Variants in FRMD4A observed in about 807,000 individuals in gnomAD.
FRMD4A encodes FERM domain-containing protein 4A.
In FRMD4A, 29 loss-of-function variants were observed where a neutral mutation model predicts 129.1. That is an observed-to-expected ratio of 0.22 (90% confidence interval 0.17 to 0.31). The LOEUF is 0.31. Ranked by LOEUF, FRMD4A falls within the 10% of genes least tolerant of loss-of-function variation. The pLI, the probability that FRMD4A is intolerant of heterozygous loss-of-function variation, is 1.00. For synonymous variants in FRMD4A, 634 were observed against 571.6 expected (o/e 1.11, Z -1.56); for missense variants, 1,272 against 1,375.8 (o/e 0.92, Z 1.19).
chr10:14,324,041 T>C (rs1248349463), intron 2 of FRMD4A, among the ~76,000 whole-genome samples: 1 of 152,252 alleles, frequency 6.6e-6, no homozygotes, highest in African/African-American at 2.4e-5. Context: ...CCTGGAGCTC[T>C]TTTATTCCTG....
intron 2 of FRMD4A, among the ~76,000 whole-genome samples, chr10:14,234,547 G>A (rs1257437527): frequency 6.6e-6 from 1 of 152,104 alleles, no homozygotes; most frequent in African/African-American, 2.4e-5. Flanking sequence ...ATTTGGGGAC[G>A]CCATAGCAGG....
chr10:13,873,747 A>C (rs111710122), intron 2 of FRMD4A, among the ~76,000 whole-genome samples: 4,755 of 151,702 alleles, frequency 0.031, 113 homozygotes, highest in Non-Finnish European at 0.044. Flanking sequence ...GAGTTTCACC[A>C]TGTTGGCCAG....
At chr10:13,804,883 G>C (rs2093333904) in intron 4 of FRMD4A, among the ~76,000 whole-genome samples, 1 of 151,760 alleles carries the variant, frequency 6.6e-6, no homozygotes, top group South Asian at 2.1e-4. Context: ...TAATAGTTTG[G>C]GTAAATCAGA....
chr10:13,882,699 C>T (rs1027655971), intron 2 of FRMD4A, among the ~76,000 whole-genome samples: 25 of 152,174 alleles, frequency 1.6e-4, no homozygotes, highest in African/African-American at 5.6e-4. Flanking sequence ...GCAGGGCAAG[C>T]CACGATACTT....
At chr10:14,157,090 G>A (rs1190223174) in intron 2 of FRMD4A, among the ~76,000 whole-genome samples, 1 of 152,204 alleles carries the variant, frequency 6.6e-6, no homozygotes, top group Non-Finnish European at 1.5e-5. Context: ...TCTGAAAGCT[G>A]CAGCAAAAGT....
At chr10:14,013,795 G>A (rs1007207631) in intron 2 of FRMD4A, among the ~76,000 whole-genome samples, 1 of 152,178 alleles carries the variant, frequency 6.6e-6, no homozygotes, top group African/African-American at 2.4e-5. Context: ...GCCAGGTGTG[G>A]TGGTGCATCC....
chr10:14,122,928 C>T (rs1250973744), intron 2 of FRMD4A, among the ~76,000 whole-genome samples: 1 of 152,150 alleles, frequency 6.6e-6, no homozygotes, highest in African/African-American at 2.4e-5. Context: ...CAGTATCTTC[C>T]TTCTAGCCAT....
intron 2 of FRMD4A, among the ~76,000 whole-genome samples, chr10:14,108,736 G>A (rs1435460690): frequency 6.6e-6 from 1 of 152,144 alleles, no homozygotes; most frequent in Non-Finnish European, 1.5e-5. Flanking sequence ...TCAATGATAT[G>A]CCCCTCATAT....
chr10:13,961,011 C>T (rs1479568517), intron 2 of FRMD4A, among the ~76,000 whole-genome samples: 1 of 152,148 alleles, frequency 6.6e-6, no homozygotes. Flanking sequence ...ACTGAAATTT[C>T]CAAGTTATCC....
chr10:14,273,594 A>G (rs1271558577), intron 2 of FRMD4A, among the ~76,000 whole-genome samples: 3 of 152,166 alleles, frequency 2.0e-5, no homozygotes, highest in Non-Finnish European at 4.4e-5. Context: ...TAAGATAGAA[A>G]TGAATTCTAA....
intron 2 of FRMD4A, among the ~76,000 whole-genome samples, chr10:14,015,707 T>C (rs2095697081): frequency 6.6e-6 from 1 of 152,238 alleles, no homozygotes; most frequent in African/African-American, 2.4e-5. Flanking sequence ...TTTTCATTTA[T>C]TGCTTATGTT....
intron 4 of FRMD4A, among the ~76,000 whole-genome samples, chr10:13,803,549 G>A (rs955663547): frequency 5.3e-5 from 8 of 151,974 alleles, no homozygotes; most frequent in Non-Finnish European, 1.2e-4. Flanking sequence ...TGATGCCCAG[G>A]TTGGCCTCAA....
intron 2 of FRMD4A, among the ~76,000 whole-genome samples, chr10:14,255,493 A>C (rs1844577291): frequency 1.3e-5 from 2 of 152,344 alleles, no homozygotes; most frequent in Non-Finnish European, 1.5e-5. Context: ...CATACTTGGA[A>C]TTGTACATTT....
At chr10:14,070,429 A>G (rs1835265142) in intron 2 of FRMD4A, among the ~76,000 whole-genome samples, 1 of 152,150 alleles carries the variant, frequency 6.6e-6, no homozygotes, top group Non-Finnish European at 1.5e-5. Flanking sequence ...TCTTTTGGCT[A>G]TCAATATTTT....
At chr10:13,742,357 T>G (rs1983887) in intron 9 of FRMD4A, among the ~76,000 whole-genome samples, 40,233 of 151,978 alleles carry the variant, frequency 0.26, 6,124 homozygotes, top group Non-Finnish European at 0.35. Flanking sequence ...TGCTGAGGTG[T>G]GGAGTCGACA....
At chr10:14,217,998 T>G (rs1051474766) in intron 2 of FRMD4A, among the ~76,000 whole-genome samples, 7 of 152,056 alleles carry the variant, frequency 4.6e-5, no homozygotes, top group Non-Finnish European at 1.0e-4. Context: ...ACCTGGCTAG[T>G]TTTTGTATTT....
At chr10:13,776,730 G>C (rs962831632) in intron 6 of FRMD4A, among the ~76,000 whole-genome samples, 1 of 152,176 alleles carries the variant, frequency 6.6e-6, no homozygotes, top group Non-Finnish European at 1.5e-5. Context: ...CATACAGTAG[G>C]AACCGTTCCC....
intron 2 of FRMD4A, among the ~76,000 whole-genome samples, chr10:14,126,465 G>T (rs1321045036): frequency 6.6e-6 from 1 of 151,712 alleles, no homozygotes; most frequent in Non-Finnish European, 1.5e-5. Context: ...CACCGTGCCC[G>T]GCCTGCCTTG....
chr10:13,657,260 A>G lies in FRMD4A; in HGVS notation c.2329T>C (p.Ser777Pro). Residue 777 changes from serine to proline, a missense_variant, in exon 22 of 25, where the codon TCC becomes CCC. Around this residue, in one of 2 missense-constraint regions of FRMD4A, gnomAD observed 972 missense variants for 892.3 expected, o/e 1.09. Transcript: ENST00000357447. ...TGCCTCTGCCTCTGGCGCGCCTTGG[A>G]CGGCGAGTCCTCGGCCAGCGTGGAG... ...NYSTLAEDSPSKARQRQRQRQ... is the reference protein window; with the variant it reads ...NYSTLAEDSPPKARQRQRQRQ... The G allele has an allele frequency of 1.3e-6, 2 of 1,598,364 alleles. No homozygotes were observed. Among genetic ancestry groups the G allele is most frequent in the South Asian group, 2.2e-5 (2 of 89,588 alleles).
Sources: allele counts gnomAD v4.1 joint callset (sites outside exome capture counted in the v4.1 genomes callset), GRCh38; gene constraint gnomAD v4.1.1; regional missense constraint gnomAD v4.1.1; transcripts MANE v1.5; gene names NCBI Gene and HGNC (gene_info 2026-07-23, HGNC 2026-07-21).